The following CALD1 variants were observed in gnomAD, a reference collection of about 807,000 sequenced individuals.
The protein encoded by CALD1 is caldesmon.
CALD1 carries 33 observed loss-of-function variants against 99.9 expected under a neutral mutation model. The ratio of observed to expected loss-of-function variants is 0.33; its 90% CI spans 0.25 to 0.44. The LOEUF (loss-of-function observed/expected upper bound fraction) is 0.44, where lower values mean the gene tolerates loss of function less well. Among genes scored for constraint, CALD1 ranks in the 20% least tolerant of loss-of-function variants. The pLI, the probability that CALD1 is intolerant of heterozygous loss-of-function variation, is 1.00. For synonymous variants in CALD1, 310 were observed against 325.0 expected (o/e 0.95, Z 0.50); for missense variants, 861 against 962.1 (o/e 0.89, Z 1.39).
the CALD1 span, among the ~76,000 whole-genome samples, chr7:134,720,566 A>G: frequency 6.6e-6 from 1 of 152,210 alleles, no homozygotes; most frequent in Non-Finnish European, 1.5e-5. Context: ...AACGCTTAAC[A>G]TCTGTGATCT....
chr7:134,960,452 AT>A (rs1808177531), intron 12 of CALD1, 80 bp from the exon 13 acceptor site: 2 of 828,316 alleles, frequency 2.4e-6, no homozygotes, highest in Non-Finnish European at 2.1e-6. Context: ...ACTTAATGAT[AT>A]TTTGAATTTG....
chr7:134,792,374 C>T (rs1382459106), intron 1 of CALD1, among the ~76,000 whole-genome samples: 1 of 151,136 alleles, frequency 6.6e-6, no homozygotes, highest in Non-Finnish European at 1.5e-5. Context: ...ACTGCAACCT[C>T]CATCTCCCAG....
At chr7:134,936,374 T>C (rs1805973469) in intron 6 of CALD1, among the ~76,000 whole-genome samples, 1 of 152,196 alleles carries the variant, frequency 6.6e-6, no homozygotes, top group South Asian at 2.1e-4. Context: ...ACAGATAGAA[T>C]GGCACGGGGT....
intron 1 of CALD1, among the ~76,000 whole-genome samples, chr7:134,784,453 G>A (rs1797229438): frequency 6.6e-6 from 1 of 152,180 alleles, no homozygotes; most frequent in Admixed American, 6.5e-5. Context: ...GGGGTCAGGA[G>A]GACCAGTCTA....
At chr7:134,753,773 A>C (rs10488456) in intron 1 of CALD1, among the ~76,000 whole-genome samples, 1 of 151,936 alleles carries the variant, frequency 6.6e-6, no homozygotes, top group Non-Finnish European at 1.5e-5. Flanking sequence ...CTTGACTACA[A>C]ATTGTCTTGT....
At chr7:134,959,863 T>C in intron 11 of CALD1, 111 bp from the exon 12 acceptor site, 1 of 1,083,806 alleles carries the variant, frequency 9.2e-7, no homozygotes, top group Middle Eastern at 2.3e-4. Context: ...TTGGTGGAGG[T>C]GTTTACACAA....
intron 4 of CALD1, among the ~76,000 whole-genome samples, chr7:134,929,217 A>C (rs979548236): frequency 6.6e-6 from 1 of 152,148 alleles, no homozygotes; most frequent in Non-Finnish European, 1.5e-5. Context: ...TCTTAAAAAT[A>C]AGTATGGTCT....
chr7:134,932,645 A>G (rs918539809), intron 4 of CALD1, among the ~76,000 whole-genome samples: 3 of 152,224 alleles, frequency 2.0e-5, no homozygotes, highest in Non-Finnish European at 4.4e-5. Flanking sequence ...TCTGAGATCC[A>G]GTGTGGAATA....
the CALD1 span, among the ~76,000 whole-genome samples, chr7:134,727,602 G>A: frequency 6.6e-6 from 1 of 152,140 alleles, no homozygotes; most frequent in African/African-American, 2.4e-5. Context: ...AACAGCATGG[G>A]GCAAAAACCT....
At chr7:134,953,907 AAG>A (rs2133189578) in intron 9 of CALD1, among the ~76,000 whole-genome samples, 2 of 152,280 alleles carry the variant, frequency 1.3e-5, no homozygotes, top group African/African-American at 4.8e-5. Flanking sequence ...ATTTCTATGT[AAG>A]AGAGACACAT....
At chr7:134,778,507 C>T (rs1796974421), upstream of CALD1, among the ~76,000 whole-genome samples, 1 of 152,166 alleles carries the variant, frequency 6.6e-6, no homozygotes, top group African/African-American at 2.4e-5. Context: ...CACCTATCCC[C>T]AGGCCTGACA....
At chr7:134,939,147 T>C (rs575849211) in intron 6 of CALD1, among the ~76,000 whole-genome samples, 107 of 152,324 alleles carry the variant, frequency 7.0e-4, no homozygotes, top group African/African-American at 2.6e-3. Context: ...AGAATATATT[T>C]TGTTTCCTCC....
At chr7:134,964,649 A>T (rs1808534628) in intron 13 of CALD1, among the ~76,000 whole-genome samples, 2 of 152,174 alleles carry the variant, frequency 1.3e-5, no homozygotes, top group Admixed American at 1.3e-4. Context: ...GCACTAAAGT[A>T]GTAAGGGCTG....
At chr7:134,808,139 C>A (rs1267960924) in intron 1 of CALD1, among the ~76,000 whole-genome samples, 7 of 149,444 alleles carry the variant, frequency 4.7e-5, no homozygotes, top group Non-Finnish European at 8.9e-5. Flanking sequence ...CTTACTTTGT[C>A]GCCCAGGCTT....
At chr7:134,711,660 C>CTCTCTCTCTATATATA in the CALD1 span, among the ~76,000 whole-genome samples, 5 of 78,350 alleles carry the variant, frequency 6.4e-5, no homozygotes, top group African/African-American at 2.5e-4. Context: ...CTCTCTCTCT[C>CTCTCTCTCTATATATA]TATATATATA....
upstream of CALD1, among the ~76,000 whole-genome samples, chr7:134,777,039 T>G (rs1796924007): frequency 6.6e-6 from 1 of 152,228 alleles, no homozygotes; most frequent in Non-Finnish European, 1.5e-5. Context: ...CACAGAAATT[T>G]CCTATATAAA....
At chr7:134,884,972 T>C (rs1211949287) in intron 3 of CALD1, among the ~76,000 whole-genome samples, 1 of 152,240 alleles carries the variant, frequency 6.6e-6, no homozygotes, top group Non-Finnish European at 1.5e-5. Flanking sequence ...AGAGTCTCAT[T>C]CTGTCACCCA....
At chr7:134,923,075 G>A (rs75162331) in intron 3 of CALD1, among the ~76,000 whole-genome samples, 7,597 of 152,068 alleles carry the variant, frequency 0.05, 283 homozygotes, top group Non-Finnish European at 0.071. Context: ...GCATTTATTC[G>A]TCAGTGTGAA....
At chr7:134,803,942 C>G (rs573574637) in intron 1 of CALD1, among the ~76,000 whole-genome samples, 1 of 152,136 alleles carries the variant, frequency 6.6e-6, no homozygotes, top group Non-Finnish European at 1.5e-5. Flanking sequence ...GTGATCCACC[C>G]GCCTCGGCCT....
Sources: gnomAD v4.1 joint callset for allele counts (sites outside exome capture counted in the v4.1 genomes callset) on GRCh38, gnomAD v4.1.1 for gene constraint, MANE v1.5 for transcripts, NCBI Gene and HGNC (gene_info 2026-07-23, HGNC 2026-07-21) for gene names.